The following PRDM2 variants were observed in gnomAD, a reference collection of about 807,000 sequenced individuals.
The protein encoded by PRDM2 is PR/SET domain 2, also known as PR domain zinc finger protein 2.
In PRDM2, 30 loss-of-function variants were observed where a neutral mutation model predicts 130.0. The ratio of observed to expected loss-of-function variants is 0.23; its 90% CI spans 0.17 to 0.31. The LOEUF (loss-of-function observed/expected upper bound fraction) is 0.31, where lower values mean the gene tolerates loss of function less well. Ranked by LOEUF, PRDM2 falls within the 10% of genes least tolerant of loss-of-function variation. PRDM2 has a pLI of 1.00. For synonymous variants in PRDM2, 871 were observed against 782.4 expected, an observed-to-expected ratio of 1.11 and a Z score of -1.89; for missense variants, 2,011 against 2,108.4, an observed-to-expected ratio of 0.95 and a Z score of 0.90.
At chr1:13,820,390 A>C (rs1426418335) in intron 9 of PRDM2, among the ~76,000 whole-genome samples, 1 of 152,162 alleles carries the variant, frequency 6.6e-6, no homozygotes, top group Admixed American at 6.5e-5. Context: ...ACTGTGACTC[A>C]CACAAAGCCC....
intron 1 of PRDM2, among the ~76,000 whole-genome samples, chr1:13,712,053 CAA>C (rs5772549): frequency 3.3e-3 from 280 of 83,846 alleles, no homozygotes; most frequent in African/African-American, 0.011. Flanking sequence ...CATCTCTACC[CAA>C]AAAAAAAAAA....
chr1:13,810,644 G>T (rs1165434657), intron 8 of PRDM2, among the ~76,000 whole-genome samples: 1 of 151,868 alleles, frequency 6.6e-6, no homozygotes, highest in Non-Finnish European at 1.5e-5. Context: ...ACAGGCGCCC[G>T]CCACCACACC....
chr1:13,796,733 C>A (rs1319012351), intron 8 of PRDM2, among the ~76,000 whole-genome samples: 1 of 152,210 alleles, frequency 6.6e-6, no homozygotes, highest in East Asian at 1.9e-4. Flanking sequence ...GCCTGGCCAG[C>A]AGAGTGAGAC....
At chr1:13,743,594 A>G (rs1467133140) in intron 5 of PRDM2, among the ~76,000 whole-genome samples, 4 of 152,172 alleles carry the variant, frequency 2.6e-5, no homozygotes, top group Non-Finnish European at 5.9e-5. Context: ...TAGTCTATGG[A>G]AAAAATGATC....
Position 13,779,259 on chromosome 1 carries a change from T to C in PRDM2, c.1464T>C (p.Cys488=), listed in dbSNP as rs745728456. Residue 488 remains cysteine (C), a synonymous_variant, in exon 8 of 10, where the codon TGT becomes TGC. Coordinates refer to ENST00000311066, the MANE Select transcript of PRDM2 (RefSeq NM_001393986.1). This position sits in a 1 kb window ranked among gnomAD's most constrained non-coding sequence, Gnocchi z 4.9. ...AAGAACTTCATCCGTGCAAATATTG[T>C]AAAAAGGTTTTTGGAACTCATACTA... ...EVKELHPCKY[C]KKVFGTHTNM... is the part of the protein sequence containing the mutation. 1 of 1,614,162 alleles carries C rather than the reference T, an allele frequency of 6.2e-7. No homozygotes were observed. Among genetic ancestry groups the C allele is most frequent in the South Asian group, 1.1e-5 (1 of 91,076 alleles).
In PRDM2 at chr1:13,782,466, C is replaced by T; in HGVS notation, c.4671C>T (p.Val1557=). 6.2e-7 allele frequency: 1 copy of T among 1,614,070 alleles called. No homozygotes were observed. Among genetic ancestry groups the T allele is most frequent in the Non-Finnish European group, 8.5e-7 (1 of 1,180,032 alleles). ...PSSSFRSKQN[V]KFAASVKSKK... ...CATCCTTCAGGTCCAAGCAGAACGT[C>T]AAGTTTGCAGCTTCGGTGAAATCCA... is the stretch of plus-strand genomic sequence containing the variant. The change falls in exon 8 of 10, where the codon GTC becomes GTT. Residue 1557 remains valine (V), a synonymous_variant. Transcript: ENST00000311066.
intron 2 of PRDM2, chr1:13,722,896 A>G (rs1284537381): frequency 2.0e-6 from 1 of 510,370 alleles, no homozygotes; most frequent in Non-Finnish European, 3.9e-6. Flanking sequence ...AGGTTCAGAG[A>G]AGTTGAATGT....
intron 8 of PRDM2, among the ~76,000 whole-genome samples, chr1:13,804,953 CTG>C (rs1645065431): frequency 6.6e-6 from 1 of 152,202 alleles, no homozygotes; most frequent in African/African-American, 2.4e-5. Context: ...ACTATGGGGA[CTG>C]TGTCAGGGAG....
intron 2 of PRDM2, among the ~76,000 whole-genome samples, chr1:13,720,975 A>T (rs963974547): frequency 6.6e-6 from 1 of 152,230 alleles, no homozygotes; most frequent in Non-Finnish European, 1.5e-5. Flanking sequence ...GTCATAGGAC[A>T]TGTCTGTCAC....
At chr1:13,789,670 TTTTGA>T (rs1163119178) in intron 8 of PRDM2, among the ~76,000 whole-genome samples, 1 of 152,146 alleles carries the variant, frequency 6.6e-6, no homozygotes, top group Non-Finnish European at 1.5e-5. Flanking sequence ...TTCATGTGGG[TTTTGA>T]TTTGATATTG....
intron 1 of PRDM2, among the ~76,000 whole-genome samples, chr1:13,714,899 T>C (rs1215274940): frequency 2.6e-5 from 4 of 152,238 alleles, no homozygotes; most frequent in Non-Finnish European, 5.9e-5. Context: ...GATTATTATT[T>C]AGAAACAAGT....
In PRDM2 at chr1:13,749,452, C is replaced by G. The variant is rs144029481; in HGVS notation, c.476C>G (p.Ala159Gly). The G allele has an allele frequency of 6.6e-7, 1 of 1,509,316 alleles. No individual in the cohort carries two copies. Among genetic ancestry groups the G allele is most frequent in the Middle Eastern group, 2.1e-4 (1 of 4,720 alleles). 93.5% of individuals were successfully genotyped at this position (1,509,316 alleles called of 1,614,324 possible). The change falls in exon 6 of 10, where the codon GCC becomes GGC. Residue 159 changes from alanine (A) to glycine (G), a missense_variant. By Grantham distance (60) the Ala-to-Gly change is moderately conservative. Transcript: ENST00000311066. ...GCGATTGAGGAAGAGCGAGCCAGCG[C>G]CCGGAGCAAGCGGAGCTCCCCCAAG... ...AAAIEEERAS[A>G]RSKRSSPKSR...
rs200331254 is a variant in PRDM2, at chr1:13,779,697, T to C, written c.1902T>C (p.Ser634=). ...LPKEPLGSTN[S]EAKKRRTASP... ...AAGAGCCTTTGGGCAGCACAAATAG[T>C]GAGGCCAAGAAGCGGAGAACTGCGA... Residue 634 remains serine (S), a synonymous_variant, in exon 8 of 10, where the codon AGT becomes AGC. Coordinates refer to ENST00000311066, the MANE Select transcript of PRDM2 (RefSeq NM_001393986.1). The surrounding 1 kb of genome is among the most constrained non-coding windows in gnomAD (Gnocchi z 4.9). 38 of 1,613,850 alleles carry C rather than the reference T, an allele frequency of 2.4e-5. No individual in the cohort carries two copies. The highest frequency in any genetic ancestry group is 1.2e-5 in the Non-Finnish European group (14 of 1,179,978).
At chr1:13,793,456 G>C (rs1197238098) in intron 8 of PRDM2, among the ~76,000 whole-genome samples, 1 of 152,214 alleles carries the variant, frequency 6.6e-6, no homozygotes, top group East Asian at 1.9e-4. Flanking sequence ...GGGGAACTTG[G>C]ATGATGGTGA....
intron 8 of PRDM2, among the ~76,000 whole-genome samples, chr1:13,810,221 C>G (rs189719049): frequency 1.3e-5 from 2 of 152,142 alleles, no homozygotes; most frequent in Admixed American, 1.3e-4. Context: ...ATTAAGCATG[C>G]ATGGAACCCG....
Position 13,780,966 on chromosome 1 carries a change from A to C in PRDM2, c.3171A>C (p.Ser1057=). 1.3e-6 allele frequency: 2 copies of C among 1,599,370 alleles called. No homozygotes were observed. The highest frequency in any genetic ancestry group is 8.5e-7 in the Non-Finnish European group (1 of 1,169,662). The change falls in exon 8 of 10, where the codon TCA becomes TCC. Residue 1057 remains serine (S), a synonymous_variant. Transcript: ENST00000311066. ...CAACACTTTCTTCTTCCTCCTCTTC[A>C]TCTTCCTCCTCCTCTTCGTTTTCTT... ...GPPTLSSSSS[S]SSSSSSFSSS... is the part of the protein sequence containing the mutation.
intron 8 of PRDM2, among the ~76,000 whole-genome samples, chr1:13,805,169 G>A (rs887580723): frequency 6.6e-6 from 1 of 152,156 alleles, no homozygotes; most frequent in South Asian, 2.1e-4. Context: ...AGTAGCTCCT[G>A]GTGTATAGAA....
chr1:13,819,996 G>A (rs989006095), intron 9 of PRDM2, among the ~76,000 whole-genome samples: 5 of 152,174 alleles, frequency 3.3e-5, no homozygotes, highest in African/African-American at 1.2e-4. Context: ...CCAGATTTAT[G>A]AAAATGCCAC....
intron 6 of PRDM2, among the ~76,000 whole-genome samples, chr1:13,760,792 G>C (rs557046640): frequency 8.5e-5 from 13 of 152,052 alleles, no homozygotes; most frequent in Admixed American, 1.3e-4. Flanking sequence ...CCATTGTAAT[G>C]GTGGGCACCA....
Sources: allele counts gnomAD v4.1 joint callset (sites outside exome capture counted in the v4.1 genomes callset), GRCh38; gene constraint gnomAD v4.1.1; non-coding constraint Gnocchi (gnomAD v3.1); transcripts MANE v1.5; gene names NCBI Gene and HGNC (gene_info 2026-07-23, HGNC 2026-07-21).